The following AFAP1 variants were observed in gnomAD, a reference collection of about 807,000 sequenced individuals.
AFAP1 encodes the protein actin filament-associated protein 1.
A neutral mutation model predicts 93.9 loss-of-function variants in AFAP1; 75 were observed. The observed-to-expected ratio is 0.80, with a 90% CI of 0.66 to 0.97. The LOEUF (loss-of-function observed/expected upper bound fraction) is 0.97, where lower values mean the gene tolerates loss of function less well. Among genes scored for constraint, AFAP1 ranks in the 50% least tolerant of loss-of-function variants. The pLI is 0.00. For synonymous variants in AFAP1, 517 were observed against 430.7 expected, an observed-to-expected ratio of 1.20 and a Z score of -2.48; for missense variants, 1,201 against 1,050.8, an observed-to-expected ratio of 1.14 and a Z score of -1.98.
intron 1 of AFAP1, among the ~76,000 whole-genome samples, chr4:7,887,688 G>A (rs1374760032): frequency 3.9e-5 from 6 of 152,232 alleles, no homozygotes; most frequent in East Asian, 1.9e-4. Flanking sequence ...ATTCACGTAC[G>A]CATATACTCT....
At chr4:7,862,599 T>C (rs1715861269) in intron 3 of AFAP1, among the ~76,000 whole-genome samples, 1 of 152,196 alleles carries the variant, frequency 6.6e-6, no homozygotes, top group Non-Finnish European at 1.5e-5. Flanking sequence ...AATTTTATGT[T>C]ACGGATATTT....
intron 1 of AFAP1, among the ~76,000 whole-genome samples, chr4:7,882,301 A>G (rs770716065): frequency 6.6e-6 from 1 of 152,220 alleles, no homozygotes; most frequent in Admixed American, 6.5e-5. Context: ...CACCAGACCC[A>G]GGTAGTTTTA....
chr4:7,919,991 G>C (rs2385901), intron 1 of AFAP1, among the ~76,000 whole-genome samples: 87,156 of 151,998 alleles, frequency 0.57, 27,841 homozygotes, highest in African/African-American at 0.83. Context: ...CTTTTGATGG[G>C]TGAATAGTAT....
intron 3 of AFAP1, among the ~76,000 whole-genome samples, chr4:7,860,051 G>GA (rs1392734636): frequency 1.3e-5 from 2 of 152,158 alleles, no homozygotes; most frequent in African/African-American, 4.8e-5. Flanking sequence ...GCTGAGGTGG[G>GA]AGGACTGCTC....
Position 7,781,413 on chromosome 4 carries a change from G to C in AFAP1, c.1745C>G (p.Ser582Cys). 1 of 1,551,960 alleles carries C rather than the reference G, an allele frequency of 6.4e-7. No individual in the cohort carries two copies. The highest frequency in any genetic ancestry group is 8.7e-7 in the Non-Finnish European group (1 of 1,147,052). Residue 582 changes from serine (S) to cysteine (C), a missense_variant, in exon 13 of 18, where the codon TCT becomes TGT. Ser to Cys is a moderately radical substitution (Grantham distance 112, BLOSUM62 -1). Transcript: ENST00000420658. ...PASAQSVTNT[S>C]SVGRASLGLN... The stretch of plus-strand genomic sequence containing the variant: ...CCCGAGAGACGCCCTCCCCACAGAA[G>C]AGGTATTAGTGACAGACTGAGCGGA...
At position 7,843,347 on chromosome 4, in the gene AFAP1, T is replaced by C. The variant is rs1358764741; in HGVS notation, c.338A>G (p.Tyr113Cys). 1.9e-6 allele frequency: 3 copies of C among 1,611,296 alleles called. No individual in the cohort carries two copies. The highest frequency in any genetic ancestry group is 2.5e-6 in the Non-Finnish European group (3 of 1,178,636). ...GKAPEYITSN[Y>C]DSDAMSSSYE... is the part of the protein sequence containing the mutation. ...AGAGCTGCTCATCGCATCGGAATCA[T>C]AATCTGTAAAAAATAAACATACACT... Residue 113 changes from tyrosine to cysteine, a missense_variant, in exon 5 of 18, where the codon TAT becomes TGT. Transcript: ENST00000420658.
intron 9 of AFAP1, among the ~76,000 whole-genome samples, chr4:7,805,808 G>A (rs533800696): frequency 2.6e-5 from 4 of 152,326 alleles, no homozygotes; most frequent in South Asian, 4.1e-4. Context: ...AGTGAAGCGG[G>A]GACAGCAGTG....
chr4:7,813,580 A>G (rs1163192465), intron 8 of AFAP1, among the ~76,000 whole-genome samples: 1 of 152,226 alleles, frequency 6.6e-6, no homozygotes, highest in African/African-American at 2.4e-5. Context: ...CTGTGCCTCA[A>G]CTTCTAAGCA....
chr4:7,810,541 C>T (rs904515324), intron 8 of AFAP1, among the ~76,000 whole-genome samples: 7 of 152,184 alleles, frequency 4.6e-5, no homozygotes, highest in Admixed American at 6.5e-5. Context: ...AGGAGCCCCT[C>T]GGCCATCTGT....
intron 1 of AFAP1, among the ~76,000 whole-genome samples, chr4:7,887,401 T>C (rs1425908324): frequency 2.0e-5 from 3 of 152,164 alleles, no homozygotes; most frequent in Admixed American, 6.5e-5. Context: ...GAAATGACGA[T>C]GGGTGTTACA....
At chr4:7,822,398 C>G (rs1721041552) in intron 6 of AFAP1, among the ~76,000 whole-genome samples, 1 of 152,132 alleles carries the variant, frequency 6.6e-6, no homozygotes, top group Non-Finnish European at 1.5e-5. Flanking sequence ...AACCTGAACT[C>G]TCCCCACGAT....
intron 9 of AFAP1, among the ~76,000 whole-genome samples, chr4:7,806,958 G>C (rs955315298): frequency 6.6e-6 from 1 of 152,174 alleles, no homozygotes; most frequent in Non-Finnish European, 1.5e-5. Flanking sequence ...GGAGTGTTCA[G>C]ATCTTTCGGG....
chr4:7,896,862 C>G (rs930937924), intron 1 of AFAP1, among the ~76,000 whole-genome samples: 1 of 151,734 alleles, frequency 6.6e-6, no homozygotes, highest in Admixed American at 6.6e-5. Flanking sequence ...ATTCCCCACC[C>G]CAGCCCCCAA....
chr4:7,827,569 C>CAAAAAAAAAAAAAAAAAAAAAAAAAA lies in AFAP1; in HGVS notation c.727-8399_727-8398insTTTTTTTTTTTTTTTTTTTTTTTTTT, dbSNP rs58075483. Among the ~76,000 whole-genome samples, 33 of 52,244 alleles carry CAAAAAAAAAAAAAAAAAAAAAAAAAA rather than the reference C, an allele frequency of 6.3e-4. 1 individual carries two copies. Among genetic ancestry groups the CAAAAAAAAAAAAAAAAAAAAAAAAAA allele is most frequent in the Admixed American group, 8.8e-4 (3 of 3,426 alleles). The allele number at this position is 52,244 out of a possible 152,430, so 34.3% of individuals were successfully genotyped here. On this transcript the variant is annotated intron_variant, in intron 6 of 17. Coordinates refer to ENST00000420658, the MANE Select transcript of AFAP1 (RefSeq NM_001134647.2). ...ATGAACAAGAGTGAAACTCTGTCTCCAAAAAAAAAAAAAAAAAAAAAGGGA... is the reference window on the plus strand; with the variant it reads ...ATGAACAAGAGTGAAACTCTGTCTCCAAAAAAAAAAAAAAAAAAAAAAAAAAAAAAAAAAAAAAAAAAAAAAAGGGA...
intron 6 of AFAP1, among the ~76,000 whole-genome samples, chr4:7,819,834 G>T (rs957517513): frequency 2.0e-5 from 3 of 152,194 alleles, no homozygotes; most frequent in African/African-American, 7.2e-5. Flanking sequence ...CCTAGTGCCT[G>T]GGTTTAATCC....
At chr4:7,880,464 G>A (rs1373008073) in intron 1 of AFAP1, among the ~76,000 whole-genome samples, 1 of 152,068 alleles carries the variant, frequency 6.6e-6, no homozygotes, top group Non-Finnish European at 1.5e-5. Context: ...ATTTTTAGTA[G>A]AGACGGGGTT....
intron 8 of AFAP1, among the ~76,000 whole-genome samples, chr4:7,812,604 C>T (rs1267633901): frequency 3.9e-5 from 6 of 152,054 alleles, no homozygotes; most frequent in Admixed American, 6.5e-5. Context: ...ACACTCAGAA[C>T]GCTCAGCCCC....
chr4:7,793,022 C>T lies in AFAP1; in HGVS notation c.1412+659G>A, dbSNP rs186740735. On this transcript the variant is annotated intron_variant, in intron 11 of 17. Transcript: ENST00000420658. The stretch of plus-strand genomic sequence containing the variant: ...GTATATTATGAAAATAATTTAACCC[C>T]GCAGACTGCCAGAAAGGGTCTGGAA... Among the ~76,000 whole-genome samples the T allele has an allele frequency of 1.8e-4, 28 of 152,294 alleles. No individual in the cohort carries two copies. In the East Asian group the frequency reaches 3.9e-3, roughly 21 times the overall value.
intron 15 of AFAP1, 112 bp downstream of exon 15, chr4:7,774,627 C>T: frequency 7.0e-7 from 1 of 1,429,228 alleles, no homozygotes; most frequent in Non-Finnish European, 9.4e-7. Flanking sequence ...CCCACTCTTA[C>T]TAAATAAAAT....
Sources: allele counts gnomAD v4.1 joint callset (sites outside exome capture counted in the v4.1 genomes callset), GRCh38; gene constraint gnomAD v4.1.1; transcripts MANE v1.5; gene names NCBI Gene and HGNC (gene_info 2026-07-23, HGNC 2026-07-21).